The following ST8SIA2 variants were observed in gnomAD, a reference collection of about 807,000 sequenced individuals.
The protein encoded by ST8SIA2 is alpha-2,8-sialyltransferase 8B.
ST8SIA2 carries 22 observed loss-of-function variants against 37.6 expected under a neutral mutation model. The ratio of observed to expected loss-of-function variants is 0.58; its 90% CI spans 0.42 to 0.83. The LOEUF (loss-of-function observed/expected upper bound fraction) is 0.83. ST8SIA2 is among the 40% of genes least tolerant of loss of function. ST8SIA2 has a pLI of 0.00. For synonymous variants in ST8SIA2, 205 were observed against 201.2 expected, an observed-to-expected ratio of 1.02 and a Z score of -0.16; for missense variants, 382 against 484.7, an observed-to-expected ratio of 0.79 and a Z score of 1.99.
At chr15:92,433,118 C>T (rs1007145484) in intron 2 of ST8SIA2, among the ~76,000 whole-genome samples, 3 of 150,952 alleles carry the variant, frequency 2.0e-5, no homozygotes, top group Admixed American at 6.6e-5. Flanking sequence ...TGACAGAGCC[C>T]GCCTCTGTCT....
intron 1 of ST8SIA2, chr15:92,421,274 C>T (rs2049631949): frequency 6.6e-6 from 1 of 152,122 alleles, no homozygotes; most frequent in Non-Finnish European, 1.5e-5. Context: ...CGTGCTTTAC[C>T]AGAAGGATGT....
Position 92,433,738 on chromosome 15 carries a change from A to G in ST8SIA2, c.162-509A>G, listed in dbSNP as rs1403591257. 4.6e-5 allele frequency among the ~76,000 whole-genome samples: 7 copies of G among 152,362 alleles called. No individual in the cohort carries two copies. In the East Asian group the frequency reaches 5.8e-4, roughly 13 times the overall value. ...CACAGATGACTGTGTAACAAGGTCC[A>G]TGTTTCAAGGAGCATATCTCAGAAT... On this transcript the variant is annotated intron_variant, in intron 2 of 5. Transcript: ENST00000268164.
Position 92,444,772 on chromosome 15 carries a change from C to A in ST8SIA2, c.685C>A (p.Arg229=). 6.2e-7 allele frequency: 1 copy of A among 1,614,118 alleles called. No individual in the cohort carries two copies. The highest frequency in any genetic ancestry group is 8.5e-7 in the Non-Finnish European group (1 of 1,180,032). ...NATWREKLLQ[R]LHSLNGSILW... ...CACGTGGCGGGAGAAGCTGCTGCAA[C>A]GGCTGCACAGCCTCAATGGCAGCAT... is the stretch of plus-strand genomic sequence containing the variant. Residue 229 remains arginine, a synonymous_variant, in exon 5 of 6, where the codon CGG becomes AGG. Transcript: ENST00000268164.
intron 2 of ST8SIA2, 117 bp downstream of exon 2, chr15:92,430,228 C>G (rs888596886): frequency 9.4e-7 from 1 of 1,065,794 alleles, no homozygotes; most frequent in Non-Finnish European, 1.4e-6. Flanking sequence ...TTTCGTTTCA[C>G]TTTGGCTTTG....
chr15:92,468,026 A>G lies in ST8SIA2; in HGVS notation c.*3641A>G, dbSNP rs2050005236. The G allele has an allele frequency of 1.3e-5, 2 of 152,182 alleles. No homozygotes were observed. The highest frequency in any genetic ancestry group is 6.5e-5 in the Admixed American group (1 of 15,272). 9.4% of individuals were successfully genotyped at this position (152,182 alleles called of 1,614,324 possible). A position where few individuals can be genotyped will look rare whatever the true frequency, so the allele number is the denominator to read the frequency against. The stretch of plus-strand genomic sequence containing the variant: ...AGACCCGTGATCCCGTCAGCCACCC[A>G]GTCTGAGATGCTGACGTTATCTTCG... On this transcript the variant is annotated 3_prime_UTR_variant, in exon 6 of 6. Transcript: ENST00000268164.
chr15:92,416,433 G>A (rs974094697), intron 1 of ST8SIA2, among the ~76,000 whole-genome samples: 2 of 152,064 alleles, frequency 1.3e-5, no homozygotes, highest in South Asian at 2.1e-4. Context: ...ATCAGACACC[G>A]AGGGACAATG....
At chr15:92,414,735 A>T (rs1359501693) in intron 1 of ST8SIA2, among the ~76,000 whole-genome samples, 2 of 152,034 alleles carry the variant, frequency 1.3e-5, no homozygotes, top group Admixed American at 1.3e-4. Flanking sequence ...GCATCCAGTC[A>T]CCTGATTCTA....
At chr15:92,426,597 A>T (rs1244086237) in intron 1 of ST8SIA2, among the ~76,000 whole-genome samples, 1 of 152,182 alleles carries the variant, frequency 6.6e-6, no homozygotes, top group African/African-American at 2.4e-5. Flanking sequence ...ATTTCAAGGC[A>T]TTTGGTCTCC....
intron 2 of ST8SIA2, among the ~76,000 whole-genome samples, chr15:92,433,002 C>T (rs2049727844): frequency 6.6e-6 from 1 of 151,958 alleles, no homozygotes; most frequent in African/African-American, 2.4e-5. Context: ...TGGTGGCATT[C>T]GCCTGTAATC....
chr15:92,405,055 G>A (rs962571921), intron 1 of ST8SIA2, among the ~76,000 whole-genome samples: 1 of 152,120 alleles, frequency 6.6e-6, no homozygotes, highest in African/African-American at 2.4e-5. Context: ...GAGCCCAGGA[G>A]TTTGGACATG....
Position 92,465,231 on chromosome 15 carries a change from T to C in ST8SIA2, c.*846T>C, listed in dbSNP as rs1322028311. Reference sequence around the variant, plus strand: ...GAGAGTGTCTAAAATCTAGCTGCTTTGGGTGTTTTTTAAAGCAATGTGAGT... The same window carrying C: ...GAGAGTGTCTAAAATCTAGCTGCTTCGGGTGTTTTTTAAAGCAATGTGAGT... On this transcript the variant is annotated 3_prime_UTR_variant, in exon 6 of 6. Coordinates refer to ENST00000268164, the MANE Select transcript of ST8SIA2 (RefSeq NM_006011.4). The C allele has an allele frequency of 6.6e-6, 1 of 152,226 alleles. No individual in the cohort carries two copies. The highest frequency in any genetic ancestry group is 1.5e-5 in the Non-Finnish European group (1 of 68,022). 9.4% of individuals were successfully genotyped at this position (152,226 alleles called of 1,614,324 possible). A position where few individuals can be genotyped will look rare whatever the true frequency, so the allele number is the denominator to read the frequency against.
At chr15:92,419,102 G>A (rs566939841) in intron 1 of ST8SIA2, among the ~76,000 whole-genome samples, 1 of 152,258 alleles carries the variant, frequency 6.6e-6, no homozygotes, top group East Asian at 1.9e-4. Flanking sequence ...CAGACCCAGG[G>A]AGCCCCAGTT....
rs34156050 is a variant in ST8SIA2, at chr15:92,464,072, CTTTTTTTTT to C, written c.843-13_843-5del. ...TGACTCACAGACCCATGTTTCTTTTCTTTTTTTTTTTTTTTTTTTTTTTCCAGATACTGG... is the reference window on the plus strand; with the variant it reads ...TGACTCACAGACCCATGTTTCTTTTCTTTTTTTTTTTTTTCCAGATACTGG... On this transcript the variant is annotated intron_variant, in intron 5 of 5. Transcript: ENST00000268164. 1.0e-5 allele frequency: 13 copies of C among 1,273,822 alleles called. 1 individual carries two copies. The Admixed American group carries it at 3.9e-4, about 39-fold the overall frequency. The allele number at this position is 1,273,822 out of a possible 1,614,324, so 78.9% of individuals were successfully genotyped here. A position where few individuals can be genotyped will look rare whatever the true frequency, so the allele number is the denominator to read the frequency against.
intron 4 of ST8SIA2, among the ~76,000 whole-genome samples, chr15:92,439,973 A>G (rs1341161127): frequency 6.6e-6 from 1 of 152,116 alleles, no homozygotes; most frequent in East Asian, 1.9e-4. Flanking sequence ...TGTCTGACCT[A>G]AAGCCACACA....
chr15:92,454,896 G>A (rs376307922), intron 5 of ST8SIA2, among the ~76,000 whole-genome samples: 10 of 151,992 alleles, frequency 6.6e-5, no homozygotes, highest in Admixed American at 4.6e-4. Context: ...AGGAGGCTGC[G>A]ACCCACAGAG....
intron 1 of ST8SIA2, among the ~76,000 whole-genome samples, chr15:92,418,171 G>A (rs551867179): frequency 6.6e-6 from 1 of 152,166 alleles, no homozygotes; most frequent in South Asian, 2.1e-4. Context: ...AAGTTACTAT[G>A]GGCCTGGCAT....
chr15:92,450,272 C>T (rs146919168), intron 5 of ST8SIA2, among the ~76,000 whole-genome samples: 198 of 152,168 alleles, frequency 1.3e-3, no homozygotes, highest in East Asian at 2.7e-3. Flanking sequence ...TAACTCAATT[C>T]GAAAATGGGC....
chr15:92,450,625 A>G (rs956293201), intron 5 of ST8SIA2, among the ~76,000 whole-genome samples: 84 of 152,268 alleles, frequency 5.5e-4, no homozygotes, highest in African/African-American at 1.9e-3. Flanking sequence ...CAACAACCAG[A>G]TCTTATGAGA....
intron 5 of ST8SIA2, among the ~76,000 whole-genome samples, chr15:92,450,393 ATT>A (rs1372981042): frequency 1.3e-5 from 2 of 152,230 alleles, no homozygotes; most frequent in African/African-American, 4.8e-5. Context: ...ACATGAATGT[ATT>A]AGTCTGTTTT....
Sources: gnomAD v4.1 joint callset for allele counts (sites outside exome capture counted in the v4.1 genomes callset) on GRCh38, gnomAD v4.1.1 for gene constraint, MANE v1.5 for transcripts, NCBI Gene and HGNC (gene_info 2026-07-23, HGNC 2026-07-21) for gene names.